The following EVI5 variants were observed in gnomAD, a reference collection of about 807,000 sequenced individuals.
EVI5 encodes ecotropic viral integration site 5 protein homolog.
In EVI5, 73 loss-of-function variants were observed where a neutral mutation model predicts 112.0. The observed-to-expected ratio is 0.65, with a 90% CI of 0.54 to 0.79. The LOEUF (loss-of-function observed/expected upper bound fraction) is 0.79, where lower values mean the gene tolerates loss of function less well. Among genes scored for constraint, EVI5 ranks in the 30% least tolerant of loss-of-function variants. The probability of loss-of-function intolerance (pLI) is 0.00; values close to 1 mark genes in which losing one functional copy is unlikely to be tolerated. For synonymous variants in EVI5, 305 were observed against 319.9 expected, an observed-to-expected ratio of 0.95 and a Z score of 0.50; for missense variants, 900 against 968.8, an observed-to-expected ratio of 0.93 and a Z score of 0.94.
intron 2 of EVI5, among the ~76,000 whole-genome samples, chr1:92,707,204 A>C (rs1363065082): frequency 6.7e-6 from 1 of 148,206 alleles, no homozygotes; most frequent in African/African-American, 2.5e-5. Context: ...AAAAAAACAC[A>C]AGAAAACCTC....
At chr1:92,698,721 T>C (rs566901309) in intron 5 of EVI5, among the ~76,000 whole-genome samples, 2 of 152,214 alleles carry the variant, frequency 1.3e-5, no homozygotes, top group South Asian at 4.2e-4. Flanking sequence ...TTACCTTAAG[T>C]GAGAGAGAGG....
chr1:92,589,680 C>T (rs1673440870), intron 18 of EVI5, among the ~76,000 whole-genome samples: 1 of 152,214 alleles, frequency 6.6e-6, no homozygotes, highest in Admixed American at 6.5e-5. Context: ...GTAGACTCCA[C>T]CTCTGGGGGC....
At chr1:92,589,489 G>A (rs1181180949) in intron 18 of EVI5, among the ~76,000 whole-genome samples, 1 of 152,148 alleles carries the variant, frequency 6.6e-6, no homozygotes, top group Non-Finnish European at 1.5e-5. Context: ...GGCTTGGAGG[G>A]TCCTACGCCC....
At chr1:92,586,186 G>C (rs1377754082) in intron 18 of EVI5, among the ~76,000 whole-genome samples, 1 of 152,112 alleles carries the variant, frequency 6.6e-6, no homozygotes, top group African/African-American at 2.4e-5. Flanking sequence ...ACCTGGCTTA[G>C]GTAATCTTTG....
chr1:92,656,912 A>C (rs1191423382), intron 13 of EVI5, among the ~76,000 whole-genome samples: 1 of 152,162 alleles, frequency 6.6e-6, no homozygotes, highest in Non-Finnish European at 1.5e-5. Flanking sequence ...CAAGAACAAG[A>C]AGCCCAGGAT....
At chr1:92,543,209 C>T (rs1333824567) in intron 19 of EVI5, among the ~76,000 whole-genome samples, 2 of 152,188 alleles carry the variant, frequency 1.3e-5, no homozygotes, top group African/African-American at 4.8e-5. Flanking sequence ...CCTTCATCAA[C>T]GATCTTAGCT....
At chr1:92,546,604 G>A (rs192296464) in intron 19 of EVI5, among the ~76,000 whole-genome samples, 210 of 152,256 alleles carry the variant, frequency 1.4e-3, no homozygotes, top group African/African-American at 4.8e-3. Context: ...GCTGAGGCAG[G>A]AGAATTGCTT....
At chr1:92,724,051 C>T (rs1042615404) in intron 2 of EVI5, among the ~76,000 whole-genome samples, 4 of 152,126 alleles carry the variant, frequency 2.6e-5, no homozygotes, top group Admixed American at 6.5e-5. Flanking sequence ...CAAGACAATG[C>T]GTGCACAGTG....
intron 2 of EVI5, among the ~76,000 whole-genome samples, chr1:92,718,899 CAG>C (rs1674256334): frequency 6.6e-6 from 1 of 152,088 alleles, no homozygotes; most frequent in African/African-American, 2.4e-5. Flanking sequence ...AAACTACCGT[CAG>C]AGAATATAAT....
intron 19 of EVI5, among the ~76,000 whole-genome samples, chr1:92,517,678 C>G (rs1374175744): frequency 2.0e-5 from 3 of 152,110 alleles, no homozygotes; most frequent in African/African-American, 7.2e-5. Flanking sequence ...TTTAAATGAA[C>G]GTTTTCTGCA....
chr1:92,603,156 A>G (rs1649553800), intron 18 of EVI5, among the ~76,000 whole-genome samples: 1 of 152,224 alleles, frequency 6.6e-6, no homozygotes, highest in Admixed American at 6.5e-5. Context: ...ATACCACTTC[A>G]CACCCATTAG....
At chr1:92,787,371 C>A (rs551438795), upstream of EVI5, among the ~76,000 whole-genome samples, 22 of 152,238 alleles carry the variant, frequency 1.4e-4, 1 homozygote, top group South Asian at 4.6e-3. Flanking sequence ...CTTTTGTAAG[C>A]ACCTGAATTA....
intron 2 of EVI5, among the ~76,000 whole-genome samples, chr1:92,735,185 G>A (rs2102802724): frequency 6.6e-6 from 1 of 152,228 alleles, no homozygotes; most frequent in Middle Eastern, 3.4e-3. Context: ...ACAGGTGAGT[G>A]AATAAACTGT....
chr1:92,703,880 G>A, intron 3 of EVI5: 1 of 270,952 alleles, frequency 3.7e-6, no homozygotes, highest in Non-Finnish European at 6.3e-6. Flanking sequence ...CTTGAAACCT[G>A]CAGAGCTGTG....
At chr1:92,697,767 T>C (rs752681622) in intron 6 of EVI5, 93 bp downstream of exon 6, 1 of 1,030,128 alleles carries the variant, frequency 9.7e-7, no homozygotes, top group Non-Finnish European at 1.5e-6. Flanking sequence ...AGTGCTTTAA[T>C]GCTTTTAACA....
intron 18 of EVI5, among the ~76,000 whole-genome samples, chr1:92,572,427 T>C (rs1670448008): frequency 6.6e-6 from 1 of 152,122 alleles, no homozygotes; most frequent in African/African-American, 2.4e-5. Context: ...GGAGGAAAAG[T>C]TATTGATGAA....
chr1:92,543,026 T>C (rs925213231), intron 19 of EVI5, among the ~76,000 whole-genome samples: 1 of 152,182 alleles, frequency 6.6e-6, no homozygotes, highest in African/African-American at 2.4e-5. Context: ...ATGGTAAATG[T>C]GCACTTGGCT....
intron 2 of EVI5, among the ~76,000 whole-genome samples, chr1:92,735,832 T>A (rs894681537): frequency 1.4e-5 from 2 of 144,464 alleles, no homozygotes; most frequent in African/African-American, 5.0e-5. Flanking sequence ...TATAATATAA[T>A]CTATTATAAT....
intron 16 of EVI5, among the ~76,000 whole-genome samples, chr1:92,621,930 G>A (rs1172153821): frequency 6.6e-6 from 1 of 151,856 alleles, no homozygotes; most frequent in Non-Finnish European, 1.5e-5. Context: ...AGACTAGCCT[G>A]GCCAACATGG....
Sources: gnomAD v4.1 joint callset for allele counts (sites outside exome capture counted in the v4.1 genomes callset) on GRCh38, gnomAD v4.1.1 for gene constraint, MANE v1.5 for transcripts, NCBI Gene and HGNC (gene_info 2026-07-23, HGNC 2026-07-21) for gene names.